Variants in ZNF43 observed in about 807,000 individuals in gnomAD.
The protein encoded by ZNF43 is zinc finger protein 43.
ZNF43 carries 44 observed loss-of-function variants against 68.4 expected under a neutral mutation model. The observed-to-expected ratio is 0.64, with a 90% CI of 0.51 to 0.83. ZNF43 has a LOEUF of 0.83. ZNF43 is among the 40% of genes least tolerant of loss of function. The probability of loss-of-function intolerance (pLI) is 0.00; values close to 1 mark genes in which losing one functional copy is unlikely to be tolerated. For synonymous variants in ZNF43, 308 were observed against 307.8 expected (o/e 1.00, Z -0.01); for missense variants, 896 against 933.2 (o/e 0.96, Z 0.52).
chr19:21,823,542 A>G (rs999309556), intron 1 of ZNF43, among the ~76,000 whole-genome samples: 7 of 150,392 alleles, frequency 4.7e-5, no homozygotes, highest in African/African-American at 1.5e-4. Context: ...TGACTGCCCA[A>G]TGATAAGCCG....
chr19:21,809,676 C>A lies in ZNF43; in HGVS notation c.361G>T (p.Val121Leu). Residue 121 changes from valine (V) to leucine (L), a missense_variant, in exon 4 of 4, where the codon GTG becomes TTG. Coordinates refer to ENST00000354959, the MANE Select transcript of ZNF43 (RefSeq NM_003423.4). ...CCTCTGTGCACCTTACACTCATCCA[C>A]ACTTTTATGGTCTTTTTTTAAATGT... is the stretch of plus-strand genomic sequence containing the variant. ...NVHLKKDHKS[V>L]DECKVHRGGY... is the part of the protein sequence containing the mutation. The A allele has an allele frequency of 6.2e-7, 1 of 1,613,438 alleles. No individual in the cohort carries two copies. The highest frequency in any genetic ancestry group is 8.5e-7 in the Non-Finnish European group (1 of 1,179,824).
At chr19:21,836,411 G>A (rs2038743377), upstream of ZNF43, among the ~76,000 whole-genome samples, 1 of 152,218 alleles carries the variant, frequency 6.6e-6, no homozygotes, top group Non-Finnish European at 1.5e-5. Flanking sequence ...CCAACCCAGA[G>A]GGTATTTGCC....
intron 1 of ZNF43, among the ~76,000 whole-genome samples, chr19:21,831,347 AT>A (rs1013358211): frequency 2.7e-4 from 41 of 149,640 alleles, no homozygotes; most frequent in South Asian, 8.5e-4. Context: ...TCAGCAGAAA[AT>A]TTTTTTTTTT....
intron 3 of ZNF43, 58 bp downstream of exon 3, chr19:21,817,830 C>T: frequency 6.6e-7 from 1 of 1,523,550 alleles, no homozygotes; most frequent in Non-Finnish European, 9.1e-7. Flanking sequence ...ACTGGCTTTC[C>T]CCTTAACCTT....
chr19:21,819,035 A>T, intron 2 of ZNF43, 60 bp downstream of exon 2: 1 of 1,563,714 alleles, frequency 6.4e-7, no homozygotes, highest in Non-Finnish European at 8.6e-7. Context: ...AACAGTCTAC[A>T]GAAAACAAAA....
Position 21,830,656 on chromosome 19 carries a change from C to T in ZNF43, c.3+5380G>A, listed in dbSNP as rs560473459. 2.7e-5 allele frequency among the ~76,000 whole-genome samples: 4 copies of T among 147,270 alleles called. No individual in the cohort carries two copies. In the East Asian group the frequency reaches 8.0e-4, roughly 29 times the overall value. Reference sequence around the variant, plus strand: ...ATAAAAAACCAGAATCAGACATATTCACAAAAGAATTCTACCAGATGTACA... The same window carrying T: ...ATAAAAAACCAGAATCAGACATATTTACAAAAGAATTCTACCAGATGTACA... On this transcript the variant is annotated intron_variant, in intron 1 of 3. Coordinates refer to ENST00000354959, the MANE Select transcript of ZNF43 (RefSeq NM_003423.4).
chr19:21,844,418 A>G (rs1377882826), intron 1 of ZNF43, among the ~76,000 whole-genome samples: 1 of 149,812 alleles, frequency 6.7e-6, no homozygotes, highest in Non-Finnish European at 1.5e-5. Context: ...TTGTGATGAC[A>G]CTCTGTGCCA....
Position 21,817,244 on chromosome 19 carries a change from G to A in ZNF43, c.229+644C>T, listed in dbSNP as rs189126233. Reference sequence around the variant, plus strand: ...TCTTTAAAAAAAAAAAAAAAGCCACGGTATCCAAAGTGATCTATAAATTTA... The same window carrying A: ...TCTTTAAAAAAAAAAAAAAAGCCACAGTATCCAAAGTGATCTATAAATTTA... On this transcript the variant is annotated intron_variant, in intron 3 of 3. Coordinates refer to ENST00000354959, the MANE Select transcript of ZNF43 (RefSeq NM_003423.4). Among the ~76,000 whole-genome samples, 1,271 of 148,042 alleles carry A rather than the reference G, an allele frequency of 8.6e-3. 74 individuals are homozygous for A. The highest frequency in any genetic ancestry group is 0.077 in the Admixed American group (1,145 of 14,874).
At chr19:21,838,521 T>C (rs1003641000), upstream of ZNF43, among the ~76,000 whole-genome samples, 1 of 151,736 alleles carries the variant, frequency 6.6e-6, no homozygotes, top group Non-Finnish European at 1.5e-5. Context: ...TGCCTCAGCC[T>C]CCCGAGTAGC....
intron 1 of ZNF43, among the ~76,000 whole-genome samples, chr19:21,823,712 C>A (rs2037966228): frequency 6.6e-6 from 1 of 151,616 alleles, no homozygotes; most frequent in Non-Finnish European, 1.5e-5. Context: ...GGATTACAGG[C>A]ATGTGCAACC....
intron 2 of ZNF43, among the ~76,000 whole-genome samples, 164 bp downstream of exon 2, chr19:21,818,931 T>C (rs1423948876): frequency 6.6e-6 from 1 of 151,940 alleles, no homozygotes; most frequent in African/African-American, 2.4e-5. Flanking sequence ...AGATGAAACA[T>C]CTTGAAAAAA....
intron 1 of ZNF43, among the ~76,000 whole-genome samples, chr19:21,830,680 C>CA (rs201713010): frequency 0.1 from 13,238 of 126,198 alleles, 629 homozygotes; most frequent in South Asian, 0.22. Flanking sequence ...ACCAGATGTA[C>CA]AAAAAAAAAA....
intron 3 of ZNF43, among the ~76,000 whole-genome samples, chr19:21,811,259 T>C (rs1216714755): frequency 2.0e-5 from 3 of 152,054 alleles, no homozygotes; most frequent in Non-Finnish European, 4.4e-5. Flanking sequence ...AAGCCAGGCA[T>C]GGTGGCTCAC....
chr19:21,839,176 C>G (rs1283743635), upstream of ZNF43, among the ~76,000 whole-genome samples: 1 of 151,310 alleles, frequency 6.6e-6, no homozygotes, highest in East Asian at 1.9e-4. Context: ...GTAGCAGGTT[C>G]TAGTCAAAAA....
intron 1 of ZNF43, among the ~76,000 whole-genome samples, chr19:21,828,721 A>G (rs1384202229): frequency 1.3e-5 from 2 of 149,354 alleles, no homozygotes; most frequent in African/African-American, 4.9e-5. Flanking sequence ...CCGTCTCAAA[A>G]AAAGTAAATT....
Position 21,808,276 on chromosome 19 carries a change from A to T in ZNF43, c.1761T>A (p.Ile587=), listed in dbSNP as rs1231273239. The T allele has an allele frequency of 1.9e-6, 3 of 1,613,460 alleles. No individual in the cohort carries two copies. In the African/African-American group the frequency reaches 4.0e-5, roughly 22 times the overall value. Residue 587 remains isoleucine (I), a synonymous_variant, in exon 4 of 4, where the codon ATT becomes ATA. Transcript: ENST00000354959. ...ATTTGTAGAATTTCTCTCCAGTATG[A>T]ATTTTCTTATGTGTAGTAAGGTTTG... ...QSSNLTTHKK[I]HTGEKFYKCE... is the part of the protein sequence containing the mutation.
chr19:21,806,025 TTAC>T lies in ZNF43; in HGVS notation c.*1579_*1581del, dbSNP rs2036923448. On this transcript the variant is annotated 3_prime_UTR_variant, in exon 4 of 4. Coordinates refer to ENST00000354959, the MANE Select transcript of ZNF43 (RefSeq NM_003423.4). ...ATAAAATTACAATAAGTAAAATGAC[TTAC>T]TAATTTAACCAATTTTAACTAAAAT... The T allele has an allele frequency of 6.6e-6, 1 of 151,830 alleles. No homozygotes were observed. Among genetic ancestry groups the T allele is most frequent in the African/African-American group, 2.4e-5 (1 of 41,432 alleles). 9.4% of individuals were successfully genotyped at this position (151,830 alleles called of 1,614,324 possible).
intron 1 of ZNF43, among the ~76,000 whole-genome samples, chr19:21,831,215 A>G (rs2038409325): frequency 6.6e-6 from 1 of 152,058 alleles, no homozygotes; most frequent in South Asian, 2.1e-4. Flanking sequence ...TTCTCTCATC[A>G]CTCCTATTCA....
At chr19:21,829,971 G>C (rs552366763) in intron 1 of ZNF43, among the ~76,000 whole-genome samples, 2 of 152,262 alleles carry the variant, frequency 1.3e-5, no homozygotes, top group African/African-American at 4.8e-5. Context: ...TATGGAGAAG[G>C]CTGGGTGCAG....
Sources: gnomAD v4.1 joint callset for allele counts (sites outside exome capture counted in the v4.1 genomes callset) on GRCh38, gnomAD v4.1.1 for gene constraint, MANE v1.5 for transcripts, NCBI Gene and HGNC (gene_info 2026-07-23, HGNC 2026-07-21) for gene names.